DOCK1: variants seen among roughly 807,000 people sequenced by gnomAD.
The protein encoded by DOCK1 is dedicator of cytokinesis protein 1.
DOCK1 carries 138 observed loss-of-function variants against 262.7 expected under a neutral mutation model. The ratio of observed to expected loss-of-function variants is 0.53; its 90% confidence interval spans 0.46 to 0.61. DOCK1 has a LOEUF of 0.61. Ranked by LOEUF, DOCK1 falls within the 20% of genes least tolerant of loss-of-function variation. DOCK1 has a pLI of 0.00. For missense variants in DOCK1, 1,908 were observed against 2,370.7 expected (o/e 0.80, Z 4.05); for synonymous variants, 866 against 867.4 (o/e 1.00, Z 0.03).
At position 127,381,958 on chromosome 10, in the gene DOCK1, T is replaced by TATGG. The variant is rs10541699; in HGVS notation, c.3807+628_3807+631dup. 9.0e-3 allele frequency among the ~76,000 whole-genome samples: 1,353 copies of TATGG among 150,026 alleles called. 8 individuals carry two copies. The highest frequency in any genetic ancestry group is 0.017 in the Middle Eastern group (5 of 290). On this transcript the variant is annotated intron_variant, in intron 37 of 51. Coordinates refer to ENST00000623213, the MANE Select transcript of DOCK1 (RefSeq NM_001290223.2). ...TTGACTTTCTTTGTTTACAGTGACG[T>TATGG]ATGGATGGATGGATGGATGGATGGA...
intron 1 of DOCK1, among the ~76,000 whole-genome samples, chr10:126,948,669 C>T (rs1285875408): frequency 1.3e-5 from 2 of 152,058 alleles, no homozygotes; most frequent in African/African-American, 2.4e-5. Context: ...GAGCCAGAGG[C>T]ACTGCTTCCC....
chr10:127,408,526 G>A (rs978729130), intron 40 of DOCK1, among the ~76,000 whole-genome samples: 7 of 152,230 alleles, frequency 4.6e-5, no homozygotes, highest in Admixed American at 1.3e-4. Flanking sequence ...AGGAGTCAGC[G>A]CCCGGCGGCC....
chr10:127,083,166 A>G (rs1272210235), intron 23 of DOCK1, among the ~76,000 whole-genome samples: 2 of 152,242 alleles, frequency 1.3e-5, no homozygotes, highest in Non-Finnish European at 2.9e-5. Flanking sequence ...CTAGCAGGGC[A>G]ATGCTCTTGG....
rs964480262 is a variant in DOCK1, at chr10:127,195,528, C to T, written c.2848-52480C>T. 4.6e-5 allele frequency among the ~76,000 whole-genome samples: 7 copies of T among 152,002 alleles called. No individual in the cohort carries two copies. In the East Asian group the frequency reaches 1.2e-3, roughly 25 times the overall value. The stretch of plus-strand genomic sequence containing the variant: ...GGCCCCTCTGTTCCAACTCATCCCC[C>T]CCCCGAAGTTAATCAGCCGTACTTG... On this transcript the variant is annotated intron_variant, in intron 27 of 51. Coordinates refer to ENST00000623213, the MANE Select transcript of DOCK1 (RefSeq NM_001290223.2).
intron 47 of DOCK1, among the ~76,000 whole-genome samples, chr10:127,428,247 A>G (rs1014646710): frequency 5.3e-5 from 8 of 152,210 alleles, no homozygotes; most frequent in Non-Finnish European, 1.2e-4. Flanking sequence ...CAGTCATTTA[A>G]TGTATATTTC....
chr10:127,317,375 G>T (rs564605055), intron 29 of DOCK1, among the ~76,000 whole-genome samples: 1 of 152,238 alleles, frequency 6.6e-6, no homozygotes, highest in African/African-American at 2.4e-5. Flanking sequence ...AGAATTCTTG[G>T]ATTTGCTGAA....
chr10:127,394,014 G>T (rs2066663251), intron 38 of DOCK1, among the ~76,000 whole-genome samples: 2 of 151,994 alleles, frequency 1.3e-5, no homozygotes, highest in Non-Finnish European at 2.9e-5. Flanking sequence ...GCTCTGAATT[G>T]TCTGTCTTAT....
At chr10:126,940,731 C>G (rs2034921113) in intron 1 of DOCK1, among the ~76,000 whole-genome samples, 1 of 152,136 alleles carries the variant, frequency 6.6e-6, no homozygotes, top group Non-Finnish European at 1.5e-5. Context: ...TAAACAAACT[C>G]TCAGTTCAAA....
intron 1 of DOCK1, among the ~76,000 whole-genome samples, chr10:126,933,812 G>A (rs901461876): frequency 3.3e-5 from 5 of 152,106 alleles, no homozygotes; most frequent in Non-Finnish European, 5.9e-5. Context: ...TGAATTTGAA[G>A]CTATTTTAAT....
Position 126,998,164 on chromosome 10 carries a change from A to G in DOCK1, c.682A>G (p.Asn228Asp). ...AATPSLALFV[N>D]LKNVVCKIGE... is the part of the protein sequence containing the mutation. ...AACCCCTTCTCTGGCCTTGTTTGTG[A>G]ACCTCAAAAATGTGGTTTGTAAAAT... Residue 228 changes from asparagine (N) to aspartate (D), a missense_variant, in exon 8 of 52, where the codon AAC (asparagine) becomes GAC (aspartate). Coordinates refer to ENST00000623213, the MANE Select transcript of DOCK1 (RefSeq NM_001290223.2). The G allele has an allele frequency of 1.9e-6, 3 of 1,614,064 alleles. No individual in the cohort carries two copies. The highest frequency in any genetic ancestry group is 2.5e-6 in the Non-Finnish European group (3 of 1,179,906).
At position 127,269,791 on chromosome 10, in the gene DOCK1, T is replaced by C. The variant is rs1323739859; in HGVS notation, c.3044+12362T>C. 2.6e-5 allele frequency among the ~76,000 whole-genome samples: 4 copies of C among 152,218 alleles called. No individual in the cohort carries two copies. The East Asian group carries it at 5.8e-4, about 22-fold the overall frequency. ...TGAGTAGCAGGAGAGACTGCAGAAC[T>C]GGTTGCTCTTAAGCCACATCCAAGG... is the stretch of plus-strand genomic sequence containing the variant. On this transcript the variant is annotated intron_variant, in intron 29 of 51. Coordinates refer to ENST00000623213, the MANE Select transcript of DOCK1 (RefSeq NM_001290223.2).
chr10:127,147,484 C>T (rs7092123), intron 27 of DOCK1, among the ~76,000 whole-genome samples: 157 of 152,228 alleles, frequency 1.0e-3, no homozygotes, highest in African/African-American at 3.2e-3. Context: ...TACGTCCTTG[C>T]ACCTGTGGCT....
chr10:127,397,336 G>A (rs1005000727), intron 38 of DOCK1, among the ~76,000 whole-genome samples: 1 of 150,860 alleles, frequency 6.6e-6, no homozygotes, highest in Non-Finnish European at 1.5e-5. Flanking sequence ...TGAGTTACAC[G>A]GGCGGTGTCT....
At chr10:127,359,990 G>GTT (rs1408182287) in intron 32 of DOCK1, among the ~76,000 whole-genome samples, 1 of 152,074 alleles carries the variant, frequency 6.6e-6, no homozygotes, top group Non-Finnish European at 1.5e-5. Context: ...AAATGAAATG[G>GTT]TTTTAGTTGC....
intron 1 of DOCK1, among the ~76,000 whole-genome samples, chr10:126,913,371 C>T (rs906715887): frequency 3.9e-5 from 6 of 152,142 alleles, no homozygotes; most frequent in African/African-American, 1.4e-4. Flanking sequence ...GATGGCAAAA[C>T]CCGGGCTTTG....
intron 21 of DOCK1, among the ~76,000 whole-genome samples, chr10:127,047,484 C>T (rs1444364852): frequency 2.0e-5 from 3 of 152,128 alleles, no homozygotes; most frequent in Admixed American, 2.0e-4. Context: ...GCATATTTTA[C>T]AAAACAGCAT....
chr10:126,988,821 C>G (rs1037210696), intron 5 of DOCK1, among the ~76,000 whole-genome samples: 11 of 152,046 alleles, frequency 7.2e-5, no homozygotes, highest in Admixed American at 2.0e-4. Flanking sequence ...GCCTGTAATC[C>G]CAGCACTTAG....
intron 40 of DOCK1, 147 bp from the exon 41 acceptor site, chr10:127,408,889 CA>C (rs3832704): frequency 0.5 from 545,937 of 1,082,438 alleles, 135,835 homozygotes; most frequent in East Asian, 0.66. Context: ...AACGCAAGTA[CA>C]AAAAAAAATA....
intron 46 of DOCK1, among the ~76,000 whole-genome samples, chr10:127,424,671 C>T (rs1446069262): frequency 2.6e-5 from 4 of 152,166 alleles, no homozygotes; most frequent in Admixed American, 1.3e-4. Context: ...CTGAGTAAAC[C>T]GCGGCTAGCC....
Sources: allele counts gnomAD v4.1 joint callset (sites outside exome capture counted in the v4.1 genomes callset), GRCh38; gene constraint gnomAD v4.1.1; transcripts MANE v1.5; gene names NCBI Gene and HGNC (gene_info 2026-07-23, HGNC 2026-07-21).